Variants in PARP1 observed in about 807,000 individuals in gnomAD.
PARP1 encodes the protein poly [ADP-ribose] polymerase 1.
In PARP1, 44 loss-of-function variants were observed where a neutral mutation model predicts 118.7. The ratio of observed to expected loss-of-function variants is 0.37; its 90% CI spans 0.29 to 0.48. The LOEUF is 0.48. PARP1 is among the 20% of genes least tolerant of loss of function. The probability of loss-of-function intolerance (pLI) is 0.99; values close to 1 mark genes in which losing one functional copy is unlikely to be tolerated. For missense variants in PARP1, 1,100 were observed against 1,272.4 expected (o/e 0.86, Z 2.06); for synonymous variants, 492 against 483.2 (o/e 1.02, Z -0.24).
intron 8 of PARP1, 144 bp downstream of exon 8, chr1:226,382,892 C>T: frequency 1.1e-6 from 1 of 877,944 alleles, no homozygotes; most frequent in Non-Finnish European, 1.9e-6. Flanking sequence ...GGCCTATCCC[C>T]TGCAGGGCAA....
chr1:226,386,501 G>C, intron 5 of PARP1, 59 bp from the exon 6 acceptor site: 1 of 1,089,758 alleles, frequency 9.2e-7, no homozygotes, highest in Non-Finnish European at 1.4e-6. Context: ...AATCCAACTG[G>C]AGGAGGAGCC....
chr1:226,392,535 G>A, intron 2 of PARP1: 1 of 582,196 alleles, frequency 1.7e-6, no homozygotes, highest in Non-Finnish European at 3.1e-6. Flanking sequence ...TGAGCTCCTT[G>A]AAAGAGCAGC....
chr1:226,365,771 A>AC (rs1024745703), intron 18 of PARP1, among the ~76,000 whole-genome samples, 183 bp downstream of exon 18: 7 of 46,790 alleles, frequency 1.5e-4, no homozygotes, highest in African/African-American at 6.5e-4. Context: ...CATGTCAAAA[A>AC]AAAAAACAAA....
intron 11 of PARP1, 106 bp downstream of exon 11, chr1:226,379,467 G>A: frequency 8.7e-6 from 10 of 1,146,642 alleles, no homozygotes; most frequent in South Asian, 2.5e-5. Flanking sequence ...ACAAAGGCAC[G>A]ACCACACTGC....
chr1:226,398,552 T>C (rs7545811), intron 2 of PARP1, among the ~76,000 whole-genome samples: 3,926 of 136,402 alleles, frequency 0.029, 183 homozygotes, highest in African/African-American at 0.099. Flanking sequence ...AAAGTGGGGG[T>C]AGGGGCAGGC....
At chr1:226,405,380 T>C (rs907186332) in intron 1 of PARP1, among the ~76,000 whole-genome samples, 6 of 152,072 alleles carry the variant, frequency 3.9e-5, no homozygotes, top group African/African-American at 1.4e-4. Context: ...CTCAGCTCAC[T>C]GCAACCTCCA....
At chr1:226,382,287 G>C (rs925443045) in intron 8 of PARP1, among the ~76,000 whole-genome samples, 1 of 152,190 alleles carries the variant, frequency 6.6e-6, no homozygotes, top group African/African-American at 2.4e-5. Context: ...TTGGCTTGGG[G>C]CATTTCTCAC....
chr1:226,403,326 G>T (rs982148487), intron 1 of PARP1, among the ~76,000 whole-genome samples: 8 of 152,168 alleles, frequency 5.3e-5, no homozygotes, highest in African/African-American at 1.7e-4. Flanking sequence ...CTACAGGCAC[G>T]TGCCACCCAT....
intron 2 of PARP1, among the ~76,000 whole-genome samples, chr1:226,397,018 G>A (rs761241109): frequency 1.1e-4 from 17 of 152,130 alleles, no homozygotes; most frequent in Non-Finnish European, 1.9e-4. Flanking sequence ...TCAGCCAGGT[G>A]TATTTGCTCA....
At chr1:226,391,645 C>A (rs964304083) in intron 3 of PARP1, among the ~76,000 whole-genome samples, 3 of 152,192 alleles carry the variant, frequency 2.0e-5, no homozygotes, top group Admixed American at 1.3e-4. Context: ...TACAATACCT[C>A]CGGGAGGCAG....
chr1:226,393,204 G>A (rs1445089073), intron 2 of PARP1, among the ~76,000 whole-genome samples: 3 of 152,042 alleles, frequency 2.0e-5, no homozygotes, highest in African/African-American at 7.2e-5. Flanking sequence ...TAAACATACT[G>A]GAAAAGGCAA....
intron 2 of PARP1, among the ~76,000 whole-genome samples, chr1:226,398,755 T>C (rs556886900): frequency 6.6e-6 from 1 of 152,364 alleles, no homozygotes; most frequent in South Asian, 2.1e-4. Context: ...CTCTCATCTA[T>C]TGCTGGTGGG....
In PARP1 at chr1:226,363,989, C is replaced by A. The variant is rs1664203595; in HGVS notation, c.2740G>T (p.Asp914Tyr). The change falls in exon 20 of 23, where the codon GAC (aspartate) becomes TAC (tyrosine). Residue 914 changes from aspartate to tyrosine, a missense_variant. Physicochemically the swap from Asp to Tyr is radical, Grantham distance 160. Coordinates refer to ENST00000366794, the MANE Select transcript of PARP1 (RefSeq NM_001618.4). Reference sequence around the variant, plus strand: ...CCCAACAGGATTAAGCCTATTGGGTCTCCCTGAGACGTATGGCAGTAGTTG... The same window carrying A: ...CCCAACAGGATTAAGCCTATTGGGTATCCCTGAGACGTATGGCAGTAGTTG... ...SANYCHTSQG[D>Y]PIGLILLGEV... 1 of 1,614,026 alleles carries A rather than the reference C, an allele frequency of 6.2e-7. No individual in the cohort carries two copies. The highest frequency in any genetic ancestry group is 1.3e-5 in the African/African-American group (1 of 75,044).
At position 226,368,215 on chromosome 1, in the gene PARP1, T is replaced by C; in HGVS notation, c.2261A>G (p.Asn754Ser). ...TTGCGCTACCTGCACACTGTCTGCA[T>C]TGTTCAGGAGCGGAGGCTTCTTCAT... Reference protein sequence around the residue: ...FGMKKPPLLNNADSVQAKVEM... With the variant: ...FGMKKPPLLNSADSVQAKVEM... Residue 754 changes from asparagine to serine, a missense_variant, in exon 16 of 23, where the codon AAT (asparagine) becomes AGT (serine). Physicochemically the swap from Asn to Ser is conservative, Grantham distance 46. This residue lies in a region of PARP1 where 948 missense variants were observed against 1,031.8 expected (regional missense o/e 0.92). Coordinates refer to ENST00000366794, the MANE Select transcript of PARP1 (RefSeq NM_001618.4). 6.2e-7 allele frequency: 1 copy of C among 1,614,154 alleles called. No homozygotes were observed. Among genetic ancestry groups the C allele is most frequent in the South Asian group, 1.1e-5 (1 of 91,076 alleles).
intron 15 of PARP1, among the ~76,000 whole-genome samples, chr1:226,369,313 T>C (rs773779398): frequency 7.2e-5 from 11 of 152,200 alleles, no homozygotes; most frequent in Non-Finnish European, 1.3e-4. Context: ...TTTCCTTCTT[T>C]CTACAGGCCA....
Position 226,361,510 on chromosome 1 carries a change from G to A in PARP1, c.2995C>T (p.Leu999=). 6.2e-7 allele frequency: 1 copy of A among 1,612,854 alleles called. No individual in the cohort carries two copies. ...AATTTCAGTTTCAGCAGATACTTCA[G>A]ATTTACCTGAGCAATATCATAGACA... ...YIVYDIAQVN[L]KYLLKLKFNF... Residue 999 remains leucine, a synonymous_variant, in exon 23 of 23, where the codon CTG becomes TTG. Transcript: ENST00000366794.
Position 226,383,180 on chromosome 1 carries a change from A to AT in PARP1, c.1014dup (p.Phe339IlefsTer13). The AT allele has an allele frequency of 6.2e-7, 1 of 1,612,762 alleles. No individual in the cohort carries two copies. The highest frequency in any genetic ancestry group is 8.5e-7 in the Non-Finnish European group (1 of 1,179,236). ...TTCTTGAGGTAAGAGATTTCTCGGAATTCCTAAAAAATATTAAGTTTTAGT... is the reference window on the plus strand; with the variant it reads ...TTCTTGAGGTAAGAGATTTCTCGGAATTTCCTAAAAAATATTAAGTTTTAGT... On this transcript the variant is annotated frameshift_variant, in exon 8 of 23. Coordinates refer to ENST00000366794, the MANE Select transcript of PARP1 (RefSeq NM_001618.4). LOFTEE classifies it high-confidence loss of function.
chr1:226,361,956 C>G lies in PARP1; in HGVS notation c.2963+13G>C. The G allele has an allele frequency of 6.8e-7, 1 of 1,465,684 alleles. No homozygotes were observed. The highest frequency in any genetic ancestry group is 9.6e-7 in the Non-Finnish European group (1 of 1,044,636). 90.8% of individuals were successfully genotyped at this position (1,465,684 alleles called of 1,614,324 possible). A position where few individuals can be genotyped will look rare whatever the true frequency, so the allele number is the denominator to read the frequency against. On this transcript the variant is annotated intron_variant, in intron 22 of 22. Coordinates refer to ENST00000366794, the MANE Select transcript of PARP1 (RefSeq NM_001618.4). ...TCCCTTTGTGCTCACACAGCATACT[C>G]AAGAAAGGATACTCGTTATATAGTA...
chr1:226,363,750 G>C (rs1025637412), intron 20 of PARP1, among the ~76,000 whole-genome samples, 193 bp downstream of exon 20: 1 of 152,170 alleles, frequency 6.6e-6, no homozygotes, highest in Non-Finnish European at 1.5e-5. Context: ...TGCATTTCCT[G>C]AAGTATCCTT....
Sources: allele counts gnomAD v4.1 joint callset (sites outside exome capture counted in the v4.1 genomes callset), GRCh38; gene constraint gnomAD v4.1.1; regional missense constraint gnomAD v4.1.1; transcripts MANE v1.5; gene names NCBI Gene and HGNC (gene_info 2026-07-23, HGNC 2026-07-21).